The following TGFB2 variants were observed in gnomAD, a reference collection of about 807,000 sequenced individuals.
TGFB2 encodes the protein transforming growth factor beta 2.
TGFB2 carries 13 observed loss-of-function variants against 42.7 expected under a neutral mutation model. The observed-to-expected ratio is 0.30, with a 90% CI of 0.20 to 0.48. The LOEUF (loss-of-function observed/expected upper bound fraction) is 0.48. TGFB2 is among the 20% of genes least tolerant of loss of function. TGFB2 has a pLI of 0.99. For missense variants in TGFB2, 390 were observed against 517.5 expected (o/e 0.75, Z 2.39); for synonymous variants, 193 against 193.6 (o/e 1.00, Z 0.03).
At chr1:218,378,157 ATTTATTTATTTATTTAT>A (rs1217775349) in intron 1 of TGFB2, among the ~76,000 whole-genome samples, 1 of 18,228 alleles carries the variant, frequency 5.5e-5, no homozygotes, top group Non-Finnish European at 1.5e-4. Flanking sequence ...GGATTTATTT[ATTTATTTATTTATTTAT>A]TTATTTATTT....
intron 1 of TGFB2, among the ~76,000 whole-genome samples, chr1:218,403,266 TTCACACAG>T (rs1251273543): frequency 6.6e-6 from 1 of 152,172 alleles, no homozygotes; most frequent in East Asian, 1.9e-4. Flanking sequence ...AAAGCCTCAA[TTCACACAG>T]TCATTTTCTG....
chr1:218,384,174 G>T (rs546402569), intron 1 of TGFB2, among the ~76,000 whole-genome samples: 1 of 152,004 alleles, frequency 6.6e-6, no homozygotes, highest in Non-Finnish European at 1.5e-5. Flanking sequence ...CATTGGTTAT[G>T]GGTTTTATTT....
intron 1 of TGFB2, 112 bp downstream of exon 1, chr1:218,347,159 T>C (rs1241476232): frequency 4.2e-6 from 4 of 961,402 alleles, no homozygotes; most frequent in Non-Finnish European, 6.3e-6. Flanking sequence ...GTTCGCTCTT[T>C]TCCCGTTCTC....
At chr1:218,374,083 A>T (rs1263428130) in intron 1 of TGFB2, among the ~76,000 whole-genome samples, 1 of 152,218 alleles carries the variant, frequency 6.6e-6, no homozygotes, top group African/African-American at 2.4e-5. Flanking sequence ...CTGGGTAATA[A>T]TTAGAGTGGG....
At chr1:218,372,212 G>A (rs1241039122) in intron 1 of TGFB2, among the ~76,000 whole-genome samples, 2 of 152,164 alleles carry the variant, frequency 1.3e-5, no homozygotes, top group Non-Finnish European at 2.9e-5. Flanking sequence ...CTGTATTTCT[G>A]AATTGCCCTG....
Position 218,443,150 on chromosome 1 carries a change from T to C in TGFB2, c.*1788T>C, listed in dbSNP as rs1488736179. ...GCCAATTTTTCCTATGATCAAAAAA[T>C]TCTTTCTTTCCTCTGAGTGAGAGTT... On this transcript the variant is annotated 3_prime_UTR_variant, in exon 7 of 7. Coordinates refer to ENST00000366930, the MANE Select transcript of TGFB2 (RefSeq NM_003238.6). 2.6e-5 allele frequency: 4 copies of C among 152,248 alleles called. No homozygotes were observed. The East Asian group carries it at 5.8e-4, about 22-fold the overall frequency. The allele number at this position is 152,248 out of a possible 1,614,324, so 9.4% of individuals were successfully genotyped here.
At chr1:218,412,885 G>A (rs928153495) in intron 2 of TGFB2, among the ~76,000 whole-genome samples, 1 of 152,132 alleles carries the variant, frequency 6.6e-6, no homozygotes, top group African/African-American at 2.4e-5. Context: ...ACTCCCTGGG[G>A]GAAGCAGAGT....
intron 1 of TGFB2, among the ~76,000 whole-genome samples, chr1:218,404,396 C>T (rs753164941): frequency 7.2e-5 from 11 of 152,300 alleles, no homozygotes; most frequent in Non-Finnish European, 1.2e-4. Context: ...GAATTACAGG[C>T]GTGACCCACT....
intron 2 of TGFB2, among the ~76,000 whole-genome samples, chr1:218,417,906 A>T (rs1283801462): frequency 2.6e-5 from 4 of 152,116 alleles, no homozygotes; most frequent in African/African-American, 4.8e-5. Flanking sequence ...GGGTTTGGAA[A>T]CCTCTGCCTA....
intron 1 of TGFB2, among the ~76,000 whole-genome samples, chr1:218,356,393 T>A (rs571466385): frequency 1.3e-5 from 2 of 152,022 alleles, no homozygotes; most frequent in African/African-American, 2.4e-5. Context: ...ATTTTTTCAA[T>A]TTTTTTGTAG....
intron 1 of TGFB2, among the ~76,000 whole-genome samples, chr1:218,396,558 T>C (rs1658518676): frequency 6.6e-6 from 1 of 151,974 alleles, no homozygotes; most frequent in African/African-American, 2.4e-5. Context: ...TTTTTTAATC[T>C]TCTAAATTTT....
At chr1:218,372,540 G>A (rs1236495374) in intron 1 of TGFB2, among the ~76,000 whole-genome samples, 1 of 152,154 alleles carries the variant, frequency 6.6e-6, no homozygotes, top group Non-Finnish European at 1.5e-5. Flanking sequence ...GGACTTCAAG[G>A]ATCGTTAACT....
Position 218,364,473 on chromosome 1 carries a change from A to C in TGFB2, c.346+17426A>C, listed in dbSNP as rs12083371. 2.9e-3 allele frequency among the ~76,000 whole-genome samples: 441 copies of C among 152,340 alleles called. 2 individuals are homozygous for C. Among genetic ancestry groups the C allele is most frequent in the African/African-American group, 0.01 (428 of 41,584 alleles). The stretch of plus-strand genomic sequence containing the variant: ...GACGCTCAAGGAATTCAGTGGCTAA[A>C]GTTATCCCTGAACCATGCTCAGGAA... On this transcript the variant is annotated intron_variant, in intron 1 of 6. Coordinates refer to ENST00000366930, the MANE Select transcript of TGFB2 (RefSeq NM_003238.6).
chr1:218,381,822 T>A (rs1014166156), intron 1 of TGFB2, among the ~76,000 whole-genome samples: 1 of 151,640 alleles, frequency 6.6e-6, no homozygotes, highest in Admixed American at 6.6e-5. Context: ...CTACTAGGTG[T>A]GTGTGTAGGG....
At chr1:218,379,487 C>CTTTTTTTTTTTTTTTTTTTTTTTTTT (rs59224313) in intron 1 of TGFB2, among the ~76,000 whole-genome samples, 1 of 133,414 alleles carries the variant, frequency 7.5e-6, no homozygotes, top group Non-Finnish European at 1.6e-5. Flanking sequence ...TTCTTTCTTT[C>CTTTTTTTTTTTTTTTTTTTTTTTTTT]TTTTTTTTTT....
intron 1 of TGFB2, among the ~76,000 whole-genome samples, chr1:218,389,751 CA>C (rs2102576840): frequency 6.6e-6 from 1 of 152,300 alleles, no homozygotes; most frequent in African/African-American, 2.4e-5. Context: ...TTAAGGTATT[CA>C]GATGCAATTG....
In TGFB2 at chr1:218,374,294, C is replaced by T. The variant is rs10482746; in HGVS notation, c.346+27247C>T. On this transcript the variant is annotated intron_variant, in intron 1 of 6. Transcript: ENST00000366930. ...GATCCTGGAAATTCCATAGCCAGTT[C>T]CTGATAGGCCCCATACTTATGAAGG... Among the ~76,000 whole-genome samples, 229 of 152,292 alleles carry T rather than the reference C, an allele frequency of 1.5e-3. 1 individual carries two copies. The highest frequency in any genetic ancestry group is 6.8e-3 in the Middle Eastern group (2 of 294).
At chr1:218,373,828 A>G (rs1657654097) in intron 1 of TGFB2, among the ~76,000 whole-genome samples, 1 of 152,220 alleles carries the variant, frequency 6.6e-6, no homozygotes, top group Admixed American at 6.5e-5. Context: ...AAAGGAAAAA[A>G]AAGACAAGTC....
At chr1:218,380,809 A>G (rs1295640189) in intron 1 of TGFB2, among the ~76,000 whole-genome samples, 4 of 152,184 alleles carry the variant, frequency 2.6e-5, no homozygotes, top group Non-Finnish European at 4.4e-5. Flanking sequence ...ATTTGCCAGA[A>G]AAAGCCCTTT....
Sources: gnomAD v4.1 joint callset for allele counts (sites outside exome capture counted in the v4.1 genomes callset) on GRCh38, gnomAD v4.1.1 for gene constraint, MANE v1.5 for transcripts, NCBI Gene and HGNC (gene_info 2026-07-23, HGNC 2026-07-21) for gene names.